The following CDC16 variants were observed in gnomAD, a reference collection of about 807,000 sequenced individuals.
CDC16 encodes the protein cell division cycle 16.
A neutral mutation model predicts 87.0 loss-of-function variants in CDC16; 34 were observed. The ratio of observed to expected loss-of-function variants is 0.39; its 90% CI spans 0.30 to 0.52. The LOEUF (loss-of-function observed/expected upper bound fraction) is 0.52. Among genes scored for constraint, CDC16 ranks in the 20% least tolerant of loss-of-function variants. The pLI, the probability that CDC16 is intolerant of heterozygous loss-of-function variation, is 0.74. For missense variants in CDC16, 653 were observed against 751.9 expected (o/e 0.87, Z 1.54); for synonymous variants, 263 against 260.6 (o/e 1.01, Z -0.09).
chr13:114,265,023 C>A, intron 16 of CDC16, 127 bp from the exon 17 acceptor site: 1 of 694,644 alleles, frequency 1.4e-6, no homozygotes, highest in Non-Finnish European at 2.6e-6. Flanking sequence ...GGTTCATGGC[C>A]AGTCATGTAG....
Position 114,243,467 on chromosome 13 carries a change from A to C in CDC16, c.633+119A>C, listed in dbSNP as rs991533608. On this transcript the variant is annotated intron_variant, in intron 7 of 17. Coordinates refer to ENST00000356221, the MANE Select transcript of CDC16 (RefSeq NM_001078645.3). ...AACTTTTTAAATTTAGCACATTTTT[A>C]AGAATAGAGCGTTTAAGATACATAA... The C allele has an allele frequency of 8.2e-6, 5 of 608,276 alleles. No individual in the cohort carries two copies. In the African/African-American group the frequency reaches 9.4e-5, roughly 11 times the overall value. The allele number at this position is 608,276 out of a possible 1,614,324, so 37.7% of individuals were successfully genotyped here.
At chr13:114,237,186 GCA>G (rs1566630518) in intron 3 of CDC16, among the ~76,000 whole-genome samples, 1 of 151,234 alleles carries the variant, frequency 6.6e-6, no homozygotes, top group African/African-American at 2.4e-5. Context: ...TTCGTGCATT[GCA>G]CTCCAGCCTG....
intron 13 of CDC16, among the ~76,000 whole-genome samples, chr13:114,258,817 G>A (rs781573565): frequency 2.4e-4 from 37 of 152,110 alleles, no homozygotes; most frequent in African/African-American, 8.7e-4. Context: ...AAATACTGTG[G>A]TTGGGTGCGG....
intron 17 of CDC16, among the ~76,000 whole-genome samples, chr13:114,266,978 G>C (rs1476415386): frequency 6.6e-6 from 1 of 152,068 alleles, no homozygotes; most frequent in Non-Finnish European, 1.5e-5. Flanking sequence ...TTACAGGCGT[G>C]AGCCACCATG....
At chr13:114,269,105 G>C (rs1212166397) in intron 17 of CDC16, among the ~76,000 whole-genome samples, 1 of 152,156 alleles carries the variant, frequency 6.6e-6, no homozygotes, top group East Asian at 1.9e-4. Flanking sequence ...TGTGGGTCTT[G>C]TCTAGGTTTA....
chr13:114,271,056 G>T (rs1037461722), intron 17 of CDC16, among the ~76,000 whole-genome samples: 1 of 151,256 alleles, frequency 6.6e-6, no homozygotes, highest in Non-Finnish European at 1.5e-5. Context: ...CAAGTAGCTG[G>T]GACTACAGGC....
rs563907777 is a variant in CDC16 at position 114,245,451 on chromosome 13, A to G, written c.847+482A>G. On this transcript the variant is annotated intron_variant, in intron 9 of 17. Coordinates refer to ENST00000356221, the MANE Select transcript of CDC16 (RefSeq NM_001078645.3). ...TCTAAACTGAATGGTGAGCTCTGTC[A>G]GGAAGGAAAACCCTCACCGAATCCC... Among the ~76,000 whole-genome samples, 71 of 152,292 alleles carry G rather than the reference A, an allele frequency of 4.7e-4. 1 individual carries two copies. The highest frequency in any genetic ancestry group is 6.8e-3 in the Middle Eastern group (2 of 294).
intron 17 of CDC16, among the ~76,000 whole-genome samples, chr13:114,268,510 T>G (rs185535290): frequency 4.6e-5 from 7 of 152,240 alleles, no homozygotes; most frequent in Admixed American, 3.9e-4. Context: ...CCTATGCAAA[T>G]GAAGGATTGG....
chr13:114,236,735 T>G, intron 2 of CDC16, 36 bp downstream of exon 2: 1 of 1,613,686 alleles, frequency 6.2e-7, no homozygotes, highest in Non-Finnish European at 8.5e-7. Context: ...TTCTGATTAA[T>G]CTTAAAATTC....
intron 14 of CDC16, 113 bp from the exon 15 acceptor site, chr13:114,261,774 C>T (rs1447856419): frequency 1.4e-5 from 9 of 640,946 alleles, no homozygotes; most frequent in South Asian, 4.5e-5. Flanking sequence ...GGTGTGCTGG[C>T]GGCACACACT....
intron 14 of CDC16, 74 bp downstream of exon 14, chr13:114,259,472 C>G: frequency 1.2e-6 from 1 of 810,346 alleles, no homozygotes; most frequent in Non-Finnish European, 1.9e-6. Context: ...GAAAACAACA[C>G]AGAAATCTCT....
At chr13:114,241,286 T>A (rs6560948) in intron 5 of CDC16, among the ~76,000 whole-genome samples, 71,812 of 152,090 alleles carry the variant, frequency 0.47, 20,147 homozygotes, top group African/African-American at 0.78. Context: ...CAGATGAGGA[T>A]AGGAAATGGA....
intron 11 of CDC16, among the ~76,000 whole-genome samples, chr13:114,248,912 TTA>T (rs1236469126): frequency 6.6e-6 from 1 of 151,994 alleles, no homozygotes; most frequent in East Asian, 1.9e-4. Context: ...TGATGGACTC[TTA>T]TCAGTGGTCC....
chr13:114,241,042 A>C (rs1024014935), intron 5 of CDC16, among the ~76,000 whole-genome samples: 10 of 152,166 alleles, frequency 6.6e-5, no homozygotes, highest in African/African-American at 2.4e-4. Context: ...ATCCTTAATG[A>C]TACTAGCTGC....
At chr13:114,237,087 T>C (rs2081290682) in intron 3 of CDC16, among the ~76,000 whole-genome samples, 191 bp downstream of exon 3, 1 of 151,922 alleles carries the variant, frequency 6.6e-6, no homozygotes, top group Non-Finnish European at 1.5e-5. Flanking sequence ...TAGCCGGACG[T>C]GGTGGCAGGC....
At chr13:114,240,943 TA>T (rs1207188368) in intron 5 of CDC16, among the ~76,000 whole-genome samples, 1 of 152,066 alleles carries the variant, frequency 6.6e-6, no homozygotes, top group Non-Finnish European at 1.5e-5. Context: ...ATTACATTTT[TA>T]AAAAACAACT....
chr13:114,238,966 T>C, intron 3 of CDC16, 24 bp from the exon 4 acceptor site: 1 of 1,606,888 alleles, frequency 6.2e-7, no homozygotes, highest in Non-Finnish European at 8.5e-7. Context: ...GACCACTACT[T>C]AAACAAATTA....
At chr13:114,240,877 T>A (rs1254288784) in intron 5 of CDC16, among the ~76,000 whole-genome samples, 1 of 152,252 alleles carries the variant, frequency 6.6e-6, no homozygotes, top group Non-Finnish European at 1.5e-5. Flanking sequence ...ATCCATTAAC[T>A]TATTTGCTAT....
At chr13:114,248,401 C>T (rs987395025) in intron 11 of CDC16, among the ~76,000 whole-genome samples, 6 of 152,170 alleles carry the variant, frequency 3.9e-5, no homozygotes, top group African/African-American at 1.4e-4. Context: ...GGGATGTCAG[C>T]CAGGCGTGGT....
Sources: allele counts gnomAD v4.1 joint callset (sites outside exome capture counted in the v4.1 genomes callset), GRCh38; gene constraint gnomAD v4.1.1; transcripts MANE v1.5; gene names NCBI Gene and HGNC (gene_info 2026-07-23, HGNC 2026-07-21).